PTPRD: variants seen among roughly 807,000 people sequenced by gnomAD.
PTPRD encodes protein tyrosine phosphatase receptor type D, also known as receptor-type tyrosine-protein phosphatase delta.
Under a neutral mutation model 214.5 loss-of-function variants are expected in PTPRD, and 34 were observed. The ratio of observed to expected loss-of-function variants is 0.16; its 90% confidence interval spans 0.12 to 0.21. The LOEUF is 0.21. PTPRD is among the 10% of genes least tolerant of loss of function. The pLI is 1.00. For synonymous variants in PTPRD, 1,128 were observed against 845.7 expected (o/e 1.33, Z -5.79); for missense variants, 2,545 against 2,398.7 (o/e 1.06, Z -1.27).
chr9:8,431,834 T>C (rs2095074947), intron 35 of PTPRD, among the ~76,000 whole-genome samples: 1 of 152,220 alleles, frequency 6.6e-6, no homozygotes, highest in Non-Finnish European at 1.5e-5. Flanking sequence ...AGGATGATGC[T>C]GGCCTCATAA....
At chr9:9,224,237 C>T (rs1462072442) in intron 9 of PTPRD, among the ~76,000 whole-genome samples, 1 of 151,866 alleles carries the variant, frequency 6.6e-6, no homozygotes, top group Non-Finnish European at 1.5e-5. Context: ...GCACATGACT[C>T]CTGCTTTAGT....
chr9:8,356,602 T>C (rs2077054708), intron 39 of PTPRD, among the ~76,000 whole-genome samples: 1 of 152,212 alleles, frequency 6.6e-6, no homozygotes, highest in African/African-American at 2.4e-5. Flanking sequence ...TATTAGGTTA[T>C]AAAAATATTT....
At chr9:9,800,930 G>C (rs969444459) in intron 5 of PTPRD, among the ~76,000 whole-genome samples, 1 of 152,052 alleles carries the variant, frequency 6.6e-6, no homozygotes, top group Non-Finnish European at 1.5e-5. Flanking sequence ...GGAGATACAC[G>C]ATTAGTTGAG....
At chr9:9,854,992 C>T (rs1346472290) in intron 5 of PTPRD, among the ~76,000 whole-genome samples, 1 of 152,002 alleles carries the variant, frequency 6.6e-6, no homozygotes, top group Non-Finnish European at 1.5e-5. Context: ...TGTCAAATGG[C>T]CATAAAATGA....
chr9:8,652,896 T>C (rs566683085), intron 12 of PTPRD, among the ~76,000 whole-genome samples: 2 of 152,212 alleles, frequency 1.3e-5, no homozygotes, highest in Admixed American at 1.3e-4. Context: ...CAGGTTATTG[T>C]GAGATAAGCC....
At chr9:9,758,546 T>C (rs1254163632) in intron 6 of PTPRD, among the ~76,000 whole-genome samples, 1 of 151,976 alleles carries the variant, frequency 6.6e-6, no homozygotes, top group Non-Finnish European at 1.5e-5. Flanking sequence ...TCTCAGAAAG[T>C]ACATAAAGCC....
At chr9:9,887,026 T>A (rs1316282746) in intron 5 of PTPRD, among the ~76,000 whole-genome samples, 2 of 152,108 alleles carry the variant, frequency 1.3e-5, no homozygotes, top group Admixed American at 1.3e-4. Context: ...TAAACTTGTT[T>A]TTTTCCGCCA....
intron 14 of PTPRD, among the ~76,000 whole-genome samples, chr9:8,619,865 T>G (rs2095756332): frequency 6.6e-6 from 1 of 152,058 alleles, no homozygotes; most frequent in Non-Finnish European, 1.5e-5. Context: ...CTTTGCAAGA[T>G]AGCATTAAAG....
At chr9:8,598,366 CAGG>C (rs987000221) in intron 14 of PTPRD, among the ~76,000 whole-genome samples, 22 of 152,024 alleles carry the variant, frequency 1.4e-4, no homozygotes, top group East Asian at 9.7e-4. Context: ...GAGGCTGAGG[CAGG>C]AGAATTGCTT....
chr9:8,505,791 A>G (rs905240267), intron 22 of PTPRD, among the ~76,000 whole-genome samples: 4 of 152,182 alleles, frequency 2.6e-5, no homozygotes, highest in African/African-American at 9.7e-5. Flanking sequence ...ATTGTGGAGC[A>G]CAGTAGCTAT....
At chr9:8,932,850 G>C (rs1403568123) in intron 11 of PTPRD, among the ~76,000 whole-genome samples, 3 of 152,086 alleles carry the variant, frequency 2.0e-5, no homozygotes, top group Non-Finnish European at 4.4e-5. Flanking sequence ...TTGGCTCCCT[G>C]GCTTCCGTCG....
intron 11 of PTPRD, among the ~76,000 whole-genome samples, chr9:9,012,237 G>T (rs1444177612): frequency 6.6e-6 from 1 of 152,122 alleles, no homozygotes; most frequent in Non-Finnish European, 1.5e-5. Context: ...TCCATCACCA[G>T]TTAAGCCTCC....
intron 21 of PTPRD, among the ~76,000 whole-genome samples, chr9:8,511,140 T>G (rs1399332425): frequency 5.9e-5 from 9 of 152,138 alleles, no homozygotes; most frequent in Non-Finnish European, 1.0e-4. Flanking sequence ...ACAATCATGG[T>G]TCACTACAGC....
chr9:10,087,861 T>C (rs2098373506), intron 3 of PTPRD, among the ~76,000 whole-genome samples: 1 of 151,744 alleles, frequency 6.6e-6, no homozygotes, highest in African/African-American at 2.4e-5. Flanking sequence ...CTTGTCCTTA[T>C]GGAAAGTTTA....
intron 7 of PTPRD, among the ~76,000 whole-genome samples, chr9:9,714,255 G>A (rs1255037629): frequency 6.6e-6 from 1 of 152,076 alleles, no homozygotes; most frequent in Non-Finnish European, 1.5e-5. Flanking sequence ...CTGTTTTTCA[G>A]AGAAGGGTCA....
At chr9:9,929,240 C>G (rs912197331) in intron 5 of PTPRD, among the ~76,000 whole-genome samples, 2 of 152,160 alleles carry the variant, frequency 1.3e-5, no homozygotes, top group Non-Finnish European at 2.9e-5. Flanking sequence ...AGTAAATTAA[C>G]AATTAAAATG....
chr9:9,098,598 G>C (rs1163134391), intron 10 of PTPRD, among the ~76,000 whole-genome samples: 1 of 152,194 alleles, frequency 6.6e-6, no homozygotes, highest in African/African-American at 2.4e-5. Flanking sequence ...TACAATTTGA[G>C]TGTCTGTAAT....
intron 10 of PTPRD, among the ~76,000 whole-genome samples, chr9:9,168,473 C>G (rs2130855394): frequency 6.6e-6 from 1 of 152,090 alleles, no homozygotes; most frequent in South Asian, 2.1e-4. Context: ...TTTTGAAATA[C>G]AATGGCATAA....
At chr9:9,742,582 T>A (rs2098415299) in intron 6 of PTPRD, among the ~76,000 whole-genome samples, 1 of 152,132 alleles carries the variant, frequency 6.6e-6, no homozygotes, top group Non-Finnish European at 1.5e-5. Flanking sequence ...TTTAGGAACA[T>A]GTTATGCTAA....
Sources: allele counts gnomAD v4.1 joint callset (sites outside exome capture counted in the v4.1 genomes callset), GRCh38; gene constraint gnomAD v4.1.1; transcripts MANE v1.5; gene names NCBI Gene and HGNC (gene_info 2026-07-23, HGNC 2026-07-21).